Variants in PNPLA7 observed in about 807,000 individuals in gnomAD.
PNPLA7 encodes the protein patatin-like phospholipase domain-containing protein 7.
In PNPLA7, 153 loss-of-function variants were observed where a neutral mutation model predicts 161.7. The ratio of observed to expected loss-of-function variants is 0.95; its 90% CI spans 0.83 to 1.08. The LOEUF is 1.08. PNPLA7 is among the 50% of genes least tolerant of loss of function. The pLI, the probability that PNPLA7 is intolerant of heterozygous loss-of-function variation, is 0.00. For missense variants in PNPLA7, 1,739 were observed against 1,856.6 expected, an observed-to-expected ratio of 0.94 and a Z score of 1.16; for synonymous variants, 809 against 782.1, an observed-to-expected ratio of 1.03 and a Z score of -0.57.
rs1268199885 is a variant in PNPLA7 at position 137,499,808 on chromosome 9, G to A, written c.1757+883C>T. 3.3e-5 allele frequency among the ~76,000 whole-genome samples: 5 copies of A among 152,254 alleles called. No homozygotes were observed. Among genetic ancestry groups the A allele is most frequent in the African/African-American group, 4.8e-5 (2 of 41,474 alleles). ...GCACCCAGCCGACCTGTTTTCTTCA[G>A]CTGCTGTGCTTCCACTGACCTTCAG... On this transcript the variant is annotated intron_variant, in intron 16 of 34. Transcript: ENST00000406427. This position sits in a 1 kb window ranked among gnomAD's most constrained non-coding sequence, Gnocchi z 5.5.
rs866165049 is a variant in PNPLA7, at chr9:137,543,126, G to A, written c.506+306C>T. 2.0e-5 allele frequency among the ~76,000 whole-genome samples: 3 copies of A among 152,320 alleles called. No homozygotes were observed. Among genetic ancestry groups the A allele is most frequent in the Middle Eastern group, 3.4e-3 (1 of 294 alleles). On this transcript the variant is annotated intron_variant, in intron 6 of 34. Transcript: ENST00000406427. The surrounding 1 kb of genome is among the most constrained non-coding windows in gnomAD (Gnocchi z 6.9). Reference sequence around the variant, plus strand: ...AGGGGTGCAGTCCAGGGGCCAGGCAGCAAGACAGGAGCACAGAGCAGAACC... The same window carrying A: ...AGGGGTGCAGTCCAGGGGCCAGGCAACAAGACAGGAGCACAGAGCAGAACC...
chr9:137,534,418 GGGAGCACTCCCAGACTCAGACA>G (rs1255611103), intron 8 of PNPLA7, among the ~76,000 whole-genome samples: 1 of 143,478 alleles, frequency 7.0e-6, no homozygotes, highest in Non-Finnish European at 1.5e-5. Context: ...CACTCCAGAT[GGGAGCACTCCCAGACTCAGACA>G]GGAGCACTCC....
In PNPLA7 at chr9:137,499,908, G is replaced by A. The variant is rs1052075886; in HGVS notation, c.1757+783C>T. ...ACCACAGCAGACATCTGGCCTATGA[G>A]GGTGCGGAGGACTTCCAGAAAACAC... On this transcript the variant is annotated intron_variant, in intron 16 of 34. Transcript: ENST00000406427. This position sits in a 1 kb window ranked among gnomAD's most constrained non-coding sequence, Gnocchi z 5.5. Among the ~76,000 whole-genome samples the A allele has an allele frequency of 6.6e-6, 1 of 152,252 alleles. No individual in the cohort carries two copies. Among genetic ancestry groups the A allele is most frequent in the Non-Finnish European group, 1.5e-5 (1 of 68,046 alleles).
intron 17 of PNPLA7, 138 bp from the exon 18 acceptor site, chr9:137,497,448 C>T: frequency 3.6e-6 from 3 of 837,784 alleles, no homozygotes; most frequent in Non-Finnish European, 4.9e-6. Context: ...TTTTGGAAAA[C>T]ATATTTTTTA....
chr9:137,547,372 G>A lies in PNPLA7; in HGVS notation c.130C>T (p.Leu44Phe). Residue 44 changes from leucine (L) to phenylalanine (F), a missense_variant, in exon 3 of 35, where the codon CTC (leucine) becomes TTC (phenylalanine). Around this residue, in one of 6 missense-constraint regions of PNPLA7, gnomAD observed 209 missense variants for 252.8 expected, o/e 0.83. Coordinates refer to ENST00000406427, the MANE Select transcript of PNPLA7 (RefSeq NM_001098537.3). This position sits in a 1 kb window ranked among gnomAD's most constrained non-coding sequence, Gnocchi z 4.6. ...TMLTGIAVGA[L>F]LALALVGVLI... ...ACACCAACCAAGGCCAGGGCCAGGA[G>A]GGCTCCAACTGCAATCCCCGTCAGC... The A allele has an allele frequency of 1.9e-6, 3 of 1,613,570 alleles. No homozygotes were observed. Among genetic ancestry groups the A allele is most frequent in the Admixed American group, 1.7e-5 (1 of 60,028 alleles).
intron 18 of PNPLA7, among the ~76,000 whole-genome samples, chr9:137,496,743 A>T (rs1833079997): frequency 6.6e-6 from 1 of 151,990 alleles, no homozygotes; most frequent in Non-Finnish European, 1.5e-5. Context: ...CAAAACAAAA[A>T]CACAAATCGG....
In PNPLA7 at chr9:137,543,585, G is replaced by A; in HGVS notation, c.366-13C>T. ...GAAACGCAGAATCCTACAAGGCAGA[G>A]ACACACTAGCCTTGAGCAGACCAGG... On this transcript the variant is annotated splice_polypyrimidine_tract_variant and intron_variant, in intron 5 of 34. Coordinates refer to ENST00000406427, the MANE Select transcript of PNPLA7 (RefSeq NM_001098537.3). This position sits in a 1 kb window ranked among gnomAD's most constrained non-coding sequence, Gnocchi z 6.9. 1 of 1,609,632 alleles carries A rather than the reference G, an allele frequency of 6.2e-7. No homozygotes were observed. Among genetic ancestry groups the A allele is most frequent in the African/African-American group, 1.3e-5 (1 of 74,972 alleles).
chr9:137,529,721 G>A (rs749482780), intron 8 of PNPLA7, among the ~76,000 whole-genome samples: 8 of 146,572 alleles, frequency 5.5e-5, no homozygotes, highest in Non-Finnish European at 7.4e-5. Flanking sequence ...GTAGTGGCAC[G>A]ATCTCGGCTC....
At chr9:137,536,110 G>T (rs59896982) in intron 8 of PNPLA7, among the ~76,000 whole-genome samples, 1,777 of 149,938 alleles carry the variant, frequency 0.012, 50 homozygotes, top group African/African-American at 0.041. Context: ...CTGAGATCGC[G>T]CCACTGCACT....
At position 137,468,825 on chromosome 9, in the gene PNPLA7, G is replaced by A. The variant is rs1831592317; in HGVS notation, c.2883-1352C>T. On this transcript the variant is annotated intron_variant, in intron 25 of 34. Transcript: ENST00000406427. The surrounding 1 kb of genome is among the most constrained non-coding windows in gnomAD (Gnocchi z 4.0). ...ATTGTATCATTAATTATATTAATAT[G>A]ATATATTAATACTTAATTGGATACT... Among the ~76,000 whole-genome samples, 1 of 151,926 alleles carries A rather than the reference G, an allele frequency of 6.6e-6. No individual in the cohort carries two copies. Among genetic ancestry groups the A allele is most frequent in the Admixed American group, 6.6e-5 (1 of 15,264 alleles).
rs1233509933 is a variant in PNPLA7, at chr9:137,499,633, A to G, written c.1757+1058T>C. Among the ~76,000 whole-genome samples the G allele has an allele frequency of 1.3e-5, 2 of 152,248 alleles. No homozygotes were observed. The highest frequency in any genetic ancestry group is 6.5e-5 in the Admixed American group (1 of 15,292). ...GGACCTGGCTGGAGCCACTCAGGCCAGGCCTGGAAGACAGAGGCCATGCAG... is the reference window on the plus strand; with the variant it reads ...GGACCTGGCTGGAGCCACTCAGGCCGGGCCTGGAAGACAGAGGCCATGCAG... On this transcript the variant is annotated intron_variant, in intron 16 of 34. Transcript: ENST00000406427. The surrounding 1 kb of genome is among the most constrained non-coding windows in gnomAD (Gnocchi z 5.5).
chr9:137,536,817 G>T (rs1241712562), intron 8 of PNPLA7, among the ~76,000 whole-genome samples: 2 of 121,532 alleles, frequency 1.6e-5, no homozygotes, highest in Non-Finnish European at 3.5e-5. Context: ...CATCTCCCAC[G>T]ACAGGAAGCA....
At chr9:137,503,633 GAGAAGGAGAAGGGGGAGGA>G (rs903073547) in intron 14 of PNPLA7, among the ~76,000 whole-genome samples, 7 of 136,860 alleles carry the variant, frequency 5.1e-5, no homozygotes, top group South Asian at 2.5e-4. Flanking sequence ...AAGGAGGAGG[GAGAAGGAGAAGGGGGAGGA>G]AGAAGGAGAA....
Position 137,506,068 on chromosome 9 carries a change from G to T in PNPLA7, c.1241C>A (p.Ala414Asp), listed in dbSNP as rs761230352. 1.9e-6 allele frequency: 3 copies of T among 1,612,488 alleles called. No homozygotes were observed. The Admixed American group carries it at 5.0e-5, about 27-fold the overall frequency. The change falls in exon 13 of 35, where the codon GCC becomes GAC. Residue 414 changes from alanine (A) to aspartate (D), a missense_variant. Coordinates refer to ENST00000406427, the MANE Select transcript of PNPLA7 (RefSeq NM_001098537.3). The stretch of plus-strand genomic sequence containing the variant: ...ACATGCCATCCCCAGATCAGAAGTG[G>T]CACTGCCTGGGCCCCCTACACACAG... ...PSAPQGGPGS[A>D]TSDLGMACDR...
intron 7 of PNPLA7, among the ~76,000 whole-genome samples, chr9:137,542,369 G>A (rs1030962067): frequency 6.6e-6 from 1 of 152,142 alleles, no homozygotes; most frequent in African/African-American, 2.4e-5. Context: ...TACTCGAGAG[G>A]CTGAGGCGGG....
At position 137,499,516 on chromosome 9, in the gene PNPLA7, C is replaced by T. The variant is rs1473868287; in HGVS notation, c.1757+1175G>A. 6.6e-6 allele frequency among the ~76,000 whole-genome samples: 1 copy of T among 152,222 alleles called. No individual in the cohort carries two copies. Among genetic ancestry groups the T allele is most frequent in the African/African-American group, 2.4e-5 (1 of 41,460 alleles). On this transcript the variant is annotated intron_variant, in intron 16 of 34. Transcript: ENST00000406427. The surrounding 1 kb of genome is among the most constrained non-coding windows in gnomAD (Gnocchi z 5.5). Reference sequence around the variant, plus strand: ...ATGCTCAGGAGGGAGATGGGTCCAGCTCCACCCAGGGTCCCCTGCTGGTGG... The same window carrying T: ...ATGCTCAGGAGGGAGATGGGTCCAGTTCCACCCAGGGTCCCCTGCTGGTGG...
At position 137,495,824 on chromosome 9, in the gene PNPLA7, C is replaced by T. The variant is rs565144752; in HGVS notation, c.2014-678G>A. On this transcript the variant is annotated intron_variant, in intron 18 of 34. Coordinates refer to ENST00000406427, the MANE Select transcript of PNPLA7 (RefSeq NM_001098537.3). ...GCACTGAGGCCTCCCTGCCGGCATC[C>T]GGCCTGGAGTGTGAGCCTTCATCCG... 4.6e-5 allele frequency among the ~76,000 whole-genome samples: 7 copies of T among 152,346 alleles called. No individual in the cohort carries two copies. The East Asian group carries it at 7.7e-4, about 17-fold the overall frequency.
intron 8 of PNPLA7, among the ~76,000 whole-genome samples, chr9:137,526,056 G>A (rs572401095): frequency 6.6e-6 from 1 of 151,612 alleles, no homozygotes; most frequent in Admixed American, 6.6e-5. Context: ...ACAAACTAAT[G>A]ATTAATATTC....
At chr9:137,472,398 C>A (rs1831744896) in intron 25 of PNPLA7, among the ~76,000 whole-genome samples, 1 of 151,908 alleles carries the variant, frequency 6.6e-6, no homozygotes, top group South Asian at 2.1e-4. Flanking sequence ...AGCCTGTAAT[C>A]CCAGCACTTT....
Sources: allele counts gnomAD v4.1 joint callset (sites outside exome capture counted in the v4.1 genomes callset), GRCh38; gene constraint gnomAD v4.1.1; regional missense constraint gnomAD v4.1.1; non-coding constraint Gnocchi (gnomAD v3.1); transcripts MANE v1.5; gene names NCBI Gene and HGNC (gene_info 2026-07-23, HGNC 2026-07-21).